Variants in ACTR10 observed in about 807,000 individuals in gnomAD.
The protein encoded by ACTR10 is actin related protein 10, also known as actin-related protein 10.
A neutral mutation model predicts 56.2 loss-of-function variants in ACTR10; 43 were observed. The ratio of observed to expected loss-of-function variants is 0.77; its 90% confidence interval spans 0.60 to 0.99. ACTR10 has a LOEUF of 0.99. ACTR10 is among the 50% of genes least tolerant of loss of function. ACTR10 has a pLI of 0.00. For missense variants in ACTR10, 466 were observed against 507.8 expected (o/e 0.92, Z 0.79); for synonymous variants, 170 against 176.3 (o/e 0.96, Z 0.28).
chr14:58,230,038 ATCTT>A (rs2140063915), intron 10 of ACTR10, among the ~76,000 whole-genome samples: 1 of 152,292 alleles, frequency 6.6e-6, no homozygotes, highest in East Asian at 1.9e-4. Context: ...TGCTTATTGA[ATCTT>A]ACTAACTTTC....
chr14:58,220,786 G>T (rs1490005172), intron 8 of ACTR10, among the ~76,000 whole-genome samples: 1 of 152,138 alleles, frequency 6.6e-6, no homozygotes, highest in Non-Finnish European at 1.5e-5. Context: ...AACCTTTTTG[G>T]AAAGCAATCT....
chr14:58,211,320 A>ATCT lies in ACTR10; in HGVS notation c.372_374dup (p.Leu125dup), dbSNP rs1254862841. 6.2e-7 allele frequency: 1 copy of ATCT among 1,613,592 alleles called. No homozygotes were observed. Among genetic ancestry groups the ATCT allele is most frequent in the Non-Finnish European group, 8.5e-7 (1 of 1,179,786 alleles). Reference sequence around the variant, plus strand: ...CCATCTGTCTTGCTTGCTCCAAGTCATCTAATGGCTCTTCTGACGCTTGGA... The same window carrying ATCT: ...CCATCTGTCTTGCTTGCTCCAAGTCATCTTCTAATGGCTCTTCTGACGCTTGGA... On this transcript the variant is annotated inframe_insertion, in exon 5 of 13. Transcript: ENST00000254286.
chr14:58,216,436 C>A (rs548825805), intron 7 of ACTR10, among the ~76,000 whole-genome samples: 6 of 152,266 alleles, frequency 3.9e-5, no homozygotes, highest in South Asian at 2.1e-4. Flanking sequence ...GCCAATTTTT[C>A]ACAAAATAAA....
At chr14:58,227,617 T>C (rs1889434273) in intron 10 of ACTR10, among the ~76,000 whole-genome samples, 1 of 152,218 alleles carries the variant, frequency 6.6e-6, no homozygotes, top group Admixed American at 6.5e-5. Flanking sequence ...GCAGCTCAAC[T>C]GGTGGAAGAA....
intron 5 of ACTR10, chr14:58,213,414 T>A: frequency 5.1e-6 from 2 of 394,462 alleles, no homozygotes; most frequent in Non-Finnish European, 9.1e-6. Context: ...TAATGAATTG[T>A]GTGTGGTCAT....
chr14:58,232,280 C>T lies in ACTR10; in HGVS notation c.1072+13C>T. Reference sequence around the variant, plus strand: ...GCCTGGTTGGGAGGTAAGAATTTCACTTTTAAAATATAATGATTATATAGT... The same window carrying T: ...GCCTGGTTGGGAGGTAAGAATTTCATTTTTAAAATATAATGATTATATAGT... On this transcript the variant is annotated intron_variant, in intron 12 of 12. Transcript: ENST00000254286. The T allele has an allele frequency of 6.2e-7, 1 of 1,600,804 alleles. No homozygotes were observed.
In ACTR10 at chr14:58,215,236, A is replaced by G; in HGVS notation, c.550A>G (p.Thr184Ala). ...GGAAACTCAACTATTGGAACAATGT[A>G]CTGTTGACACAAGTGTTGCTAAAGA... ...ELETQLLEQCTVDTSVAKEQS... is the reference protein window; with the variant it reads ...ELETQLLEQCAVDTSVAKEQS... The change falls in exon 7 of 13, where the codon ACT becomes GCT. Residue 184 changes from threonine (T) to alanine (A), a missense_variant. Thr to Ala is a moderately conservative substitution (Grantham distance 58). Coordinates refer to ENST00000254286, the MANE Select transcript of ACTR10 (RefSeq NM_018477.3). 3 of 1,610,440 alleles carry G rather than the reference A, an allele frequency of 1.9e-6. No individual in the cohort carries two copies. Among genetic ancestry groups the G allele is most frequent in the Non-Finnish European group, 2.5e-6 (3 of 1,178,340 alleles).
chr14:58,221,280 TAAAAAAAAAAAA>T (rs35943337), intron 8 of ACTR10, among the ~76,000 whole-genome samples: 1 of 108,292 alleles, frequency 9.2e-6, no homozygotes, highest in African/African-American at 3.5e-5. Flanking sequence ...AGACTCTGTC[TAAAAAAAAAAAA>T]AAAAAAAAAA....
chr14:58,229,297 G>A (rs1476485067), intron 10 of ACTR10, among the ~76,000 whole-genome samples: 2 of 152,152 alleles, frequency 1.3e-5, no homozygotes, highest in African/African-American at 4.8e-5. Context: ...CAAACTTGCA[G>A]TTATGAGTGA....
At chr14:58,212,098 C>T (rs2140048837) in intron 5 of ACTR10, among the ~76,000 whole-genome samples, 1 of 152,104 alleles carries the variant, frequency 6.6e-6, no homozygotes, top group East Asian at 1.9e-4. Context: ...CTTTTTACTA[C>T]TTGGTCAGGT....
intron 10 of ACTR10, among the ~76,000 whole-genome samples, chr14:58,227,946 G>T (rs1301277462): frequency 1.3e-5 from 2 of 152,102 alleles, no homozygotes; most frequent in Non-Finnish European, 2.9e-5. Context: ...TCATTTAAAA[G>T]AAGTTCAAGG....
chr14:58,200,223 G>T lies in ACTR10; in HGVS notation c.6G>T (p.Pro2=). ...TCTCAGTCTGCCTTACTACCATGCC[G>T]CTCTACGAGGGCCTGGGGAGCGGCG... M[P]LYEGLGSGGE... is the part of the protein sequence containing the mutation. The change falls in exon 1 of 13, where the codon CCG becomes CCT. Residue 2 remains proline, a synonymous_variant. Coordinates refer to ENST00000254286, the MANE Select transcript of ACTR10 (RefSeq NM_018477.3). The T allele has an allele frequency of 6.5e-7, 1 of 1,533,100 alleles. No individual in the cohort carries two copies. The allele number at this position is 1,533,100 out of a possible 1,614,324, so 95.0% of individuals were successfully genotyped here. A position where few individuals can be genotyped will look rare whatever the true frequency, so the allele number is the denominator to read the frequency against.
intron 10 of ACTR10, among the ~76,000 whole-genome samples, chr14:58,225,442 T>C (rs1889374611): frequency 6.6e-6 from 1 of 152,118 alleles, no homozygotes; most frequent in Admixed American, 6.6e-5. Flanking sequence ...GTATTGAACA[T>C]CCTATTAGGT....
At chr14:58,209,232 A>G in intron 4 of ACTR10, 125 bp downstream of exon 4, 1 of 615,890 alleles carries the variant, frequency 1.6e-6, no homozygotes, top group Non-Finnish European at 2.7e-6. Context: ...CAAAACTTAA[A>G]CTAATAAAAG....
In ACTR10 at chr14:58,232,220, G is replaced by A. The variant is rs554639681; in HGVS notation, c.1025G>A (p.Arg342Gln). 8.9e-5 allele frequency: 143 copies of A among 1,613,548 alleles called. 1 individual carries two copies. The South Asian group carries it at 9.7e-4, about 11-fold the overall frequency. The change falls in exon 12 of 13, where the codon CGA (arginine) becomes CAA (glutamine). Residue 342 changes from arginine to glutamine, a missense_variant. Coordinates refer to ENST00000254286, the MANE Select transcript of ACTR10 (RefSeq NM_018477.3). ...AAAGCACTTGGCACTAAGACATTTC[G>A]AATTCATACTCCACCTGCAAAAGCT... ...YKKALGTKTF[R>Q]IHTPPAKANC...
rs537104071 is a variant in ACTR10 at position 58,223,510 on chromosome 14, G to A, written c.635-112G>A. On this transcript the variant is annotated intron_variant, in intron 8 of 12. Transcript: ENST00000254286. ...GGAATAGAGTTTATAAAATCCAAAGGAATAGATGATGAGCATGTTCACTTG... is the reference window on the plus strand; with the variant it reads ...GGAATAGAGTTTATAAAATCCAAAGAAATAGATGATGAGCATGTTCACTTG... 5.2e-5 allele frequency: 44 copies of A among 839,534 alleles called. No individual in the cohort carries two copies. In the South Asian group the frequency reaches 6.8e-4, roughly 13 times the overall value. 52.0% of individuals were successfully genotyped at this position (839,534 alleles called of 1,614,324 possible).
In ACTR10 at chr14:58,221,542, G is replaced by A. The variant is rs117117894; in HGVS notation, c.634+1813G>A. Among the ~76,000 whole-genome samples the A allele has an allele frequency of 2.1e-4, 32 of 152,220 alleles. 1 individual carries two copies. In the East Asian group the frequency reaches 6.0e-3, roughly 28 times the overall value. On this transcript the variant is annotated intron_variant, in intron 8 of 12. Coordinates refer to ENST00000254286, the MANE Select transcript of ACTR10 (RefSeq NM_018477.3). ...CTGGGATCTCCTGGTGGAGGCTGCAGTGAGGCAAGTTCAGACCACTGCACT... is the reference window on the plus strand; with the variant it reads ...CTGGGATCTCCTGGTGGAGGCTGCAATGAGGCAAGTTCAGACCACTGCACT...
chr14:58,219,531 C>A (rs1304904973), intron 7 of ACTR10, 163 bp from the exon 8 acceptor site: 1 of 458,636 alleles, frequency 2.2e-6, no homozygotes, highest in Non-Finnish European at 3.9e-6. Context: ...GATATTTCTT[C>A]CCTAAAACAA....
chr14:58,234,423 G>A lies in ACTR10; in HGVS notation c.1126G>A (p.Glu376Lys), dbSNP rs1348216504. Residue 376 changes from glutamate (E) to lysine (K), a missense_variant, in exon 13 of 13, where the codon GAA becomes AAA. Transcript: ENST00000254286. ...ACTTGGGAGCCGTTCTGTTTCAAAG[G>A]AATATTATAATCAGACGGGCCGTAT... The part of the protein sequence containing the change: ...DILGSRSVSK[E>K]YYNQTGRIPD... The A allele has an allele frequency of 1.2e-6, 2 of 1,611,222 alleles. No individual in the cohort carries two copies. The highest frequency in any genetic ancestry group is 1.7e-6 in the Non-Finnish European group (2 of 1,178,266).
Sources: allele counts gnomAD v4.1 joint callset (sites outside exome capture counted in the v4.1 genomes callset), GRCh38; gene constraint gnomAD v4.1.1; transcripts MANE v1.5; gene names NCBI Gene and HGNC (gene_info 2026-07-23, HGNC 2026-07-21).